The following MDH1B variants were observed in gnomAD, a reference collection of about 807,000 sequenced individuals.
MDH1B encodes malate dehydrogenase 1B.
A neutral mutation model predicts 61.4 loss-of-function variants in MDH1B; 60 were observed. The observed-to-expected ratio is 0.98, with a 90% CI of 0.79 to 1.21. The LOEUF (loss-of-function observed/expected upper bound fraction) is 1.21. Ranked by LOEUF, MDH1B falls within the 50% of genes most tolerant of loss-of-function variation. The probability of loss-of-function intolerance (pLI) is 0.00; values close to 1 mark genes in which losing one functional copy is unlikely to be tolerated. For synonymous variants in MDH1B, 236 were observed against 218.7 expected (o/e 1.08, Z -0.70); for missense variants, 587 against 632.1 (o/e 0.93, Z 0.76).
rs2105942140 is a variant in MDH1B, at chr2:206,755,200, C to A, written c.719G>T (p.Gly240Val). 6.2e-7 allele frequency: 1 copy of A among 1,614,124 alleles called. No individual in the cohort carries two copies. The highest frequency in any genetic ancestry group is 8.5e-7 in the Non-Finnish European group (1 of 1,179,994). ...RSRVPLCRLYGYLIEKNAHES... is the reference protein window; with the variant it reads ...RSRVPLCRLYVYLIEKNAHES... Reference sequence around the variant, plus strand: ...ATGAGCATTTTTCTCTATCAGGTACCCATAGAGCCTGCAGAGAGGCACCCT... The same window carrying A: ...ATGAGCATTTTTCTCTATCAGGTACACATAGAGCCTGCAGAGAGGCACCCT... The change falls in exon 5 of 12, where the codon GGG becomes GTG. Residue 240 changes from glycine to valine, a missense_variant. Transcript: ENST00000374412.
intron 6 of MDH1B, among the ~76,000 whole-genome samples, chr2:206,750,029 C>T (rs1018128085): frequency 6.6e-6 from 1 of 152,118 alleles, no homozygotes; most frequent in Admixed American, 6.5e-5. Context: ...GTCCTGCCCA[C>T]GCAGCAAATG....
chr2:206,762,005 C>A (rs901432088), intron 1 of MDH1B, among the ~76,000 whole-genome samples: 1 of 152,122 alleles, frequency 6.6e-6, no homozygotes, highest in African/African-American at 2.4e-5. Context: ...CAATTACTTG[C>A]CTTTTCTGTA....
At chr2:206,739,527 T>A (rs1687687642) in intron 11 of MDH1B, 66 bp downstream of exon 11, 2 of 1,393,276 alleles carry the variant, frequency 1.4e-6, no homozygotes, top group Admixed American at 3.5e-5. Flanking sequence ...GGAAATTTGA[T>A]CCTCTATTAC....
At chr2:206,744,894 C>G (rs1281025907) in intron 9 of MDH1B, among the ~76,000 whole-genome samples, 2 of 151,782 alleles carry the variant, frequency 1.3e-5, no homozygotes, top group African/African-American at 4.8e-5. Flanking sequence ...CACTGCACTT[C>G]AGTCTGGGCA....
At chr2:206,738,897 T>A (rs1389658419) in intron 11 of MDH1B, among the ~76,000 whole-genome samples, 1 of 152,190 alleles carries the variant, frequency 6.6e-6, no homozygotes, top group Non-Finnish European at 1.5e-5. Context: ...CATTTCAGAA[T>A]GAAAGGTGCA....
intron 5 of MDH1B, among the ~76,000 whole-genome samples, chr2:206,751,393 TGA>T (rs748374929): frequency 1.2e-4 from 18 of 151,422 alleles, no homozygotes; most frequent in Non-Finnish European, 1.9e-4. Context: ...TGCTTACCAT[TGA>T]GAGAGAGAGA....
At chr2:206,764,536 C>G (rs180970894) in intron 1 of MDH1B, among the ~76,000 whole-genome samples, 76 of 152,222 alleles carry the variant, frequency 5.0e-4, no homozygotes, top group Admixed American at 1.6e-3. Context: ...GAGGTAGGTA[C>G]CATGGATTGT....
chr2:206,755,963 G>C (rs4675637), intron 4 of MDH1B, among the ~76,000 whole-genome samples: 1 of 145,240 alleles, frequency 6.9e-6, no homozygotes, highest in Admixed American at 7.0e-5. Flanking sequence ...TTCTTACACA[G>C]AAAAATCCTT....
rs535478965 is a variant in MDH1B, at chr2:206,754,270, C to T, written c.910+739G>A. ...TGAGAGAATGCCTGTCATCTCCTTC[C>T]CTTCTCAATGGACACTGTTGCACCT... On this transcript the variant is annotated intron_variant, in intron 5 of 11. Coordinates refer to ENST00000374412, the MANE Select transcript of MDH1B (RefSeq NM_001039845.3). 8.5e-5 allele frequency among the ~76,000 whole-genome samples: 13 copies of T among 152,258 alleles called. No homozygotes were observed. The South Asian group carries it at 2.7e-3, about 32-fold the overall frequency.
rs1314784845 is a variant in MDH1B at position 206,755,795 on chromosome 2, A to T, written c.414-290T>A. Reference sequence around the variant, plus strand: ...TTCCCCCTATGCAGAAATCAAAATAAAAAAACTATTATATTACTGTAATTA... The same window carrying T: ...TTCCCCCTATGCAGAAATCAAAATATAAAAACTATTATATTACTGTAATTA... On this transcript the variant is annotated intron_variant, in intron 4 of 11. Coordinates refer to ENST00000374412, the MANE Select transcript of MDH1B (RefSeq NM_001039845.3). 3.3e-5 allele frequency among the ~76,000 whole-genome samples: 5 copies of T among 152,292 alleles called. No homozygotes were observed. In the South Asian group the frequency reaches 8.3e-4, roughly 25 times the overall value.
rs779426389 is a variant in MDH1B at position 206,755,050 on chromosome 2, G to C, written c.869C>G (p.Ala290Gly). The C allele has an allele frequency of 3.1e-6, 5 of 1,613,912 alleles. No individual in the cohort carries two copies. Among genetic ancestry groups the C allele is most frequent in the African/African-American group, 1.3e-5 (1 of 74,892 alleles). The part of the protein sequence containing the change: ...IAVALGVEGE[A>G]KAILARKLKT... ...CAGTTTTCTGGCCAGTATGGCTTTC[G>C]CTTCACCTTCCACCCCCAGCGCCAC... The change falls in exon 5 of 12, where the codon GCG (alanine) becomes GGG (glycine). Residue 290 changes from alanine (A) to glycine (G), a missense_variant. By Grantham distance (60) the Ala-to-Gly change is moderately conservative (BLOSUM62 0). Transcript: ENST00000374412.
intron 7 of MDH1B, among the ~76,000 whole-genome samples, chr2:206,748,555 T>C (rs942670298): frequency 6.6e-6 from 1 of 152,218 alleles, no homozygotes; most frequent in Non-Finnish European, 1.5e-5. Context: ...CCTGCCTTTG[T>C]GTCTGTGCTC....
At chr2:206,746,898 G>A (rs534885954) in intron 7 of MDH1B, among the ~76,000 whole-genome samples, 3 of 152,238 alleles carry the variant, frequency 2.0e-5, no homozygotes, top group Non-Finnish European at 4.4e-5. Context: ...ATGTGTTTTG[G>A]TGTGCGTTTG....
Position 206,741,052 on chromosome 2 carries a change from A to G in MDH1B, c.1459+2T>C, listed in dbSNP as rs1687779443. 1 of 1,613,098 alleles carries G rather than the reference A, an allele frequency of 6.2e-7. No individual in the cohort carries two copies. Among genetic ancestry groups the G allele is most frequent in the Non-Finnish European group, 8.5e-7 (1 of 1,179,586 alleles). ...ACATTGTTTATAACCCCACTGACTTACCATCTGACATAGCTAGATTTTTTT... is the reference window on the plus strand; with the variant it reads ...ACATTGTTTATAACCCCACTGACTTGCCATCTGACATAGCTAGATTTTTTT... On this transcript the variant is annotated splice_donor_variant, in intron 10 of 11. Transcript: ENST00000374412. LOFTEE classifies it high-confidence loss of function.
chr2:206,751,868 T>C (rs1688467119), intron 5 of MDH1B, among the ~76,000 whole-genome samples: 1 of 152,250 alleles, frequency 6.6e-6, no homozygotes, highest in African/African-American at 2.4e-5. Flanking sequence ...TATTTACTTA[T>C]TTAACTTATT....
At chr2:206,751,566 T>C (rs1394889806) in intron 5 of MDH1B, among the ~76,000 whole-genome samples, 1 of 152,200 alleles carries the variant, frequency 6.6e-6, no homozygotes, top group East Asian at 1.9e-4. Flanking sequence ...AATGAGGATA[T>C]TGTAAGAGGA....
chr2:206,745,932 C>T (rs949448788), intron 8 of MDH1B, among the ~76,000 whole-genome samples: 4 of 151,986 alleles, frequency 2.6e-5, no homozygotes, highest in African/African-American at 9.7e-5. Flanking sequence ...CAGGGTTTCT[C>T]CATGTTGGTC....
intron 10 of MDH1B, 75 bp from the exon 11 acceptor site, chr2:206,739,736 T>C: frequency 3.0e-6 from 4 of 1,341,654 alleles, no homozygotes; most frequent in Admixed American, 3.7e-5. Context: ...CATTTTCTTC[T>C]ATCTTGTTCC....
intron 1 of MDH1B, among the ~76,000 whole-genome samples, chr2:206,762,508 ATCTGTT>A (rs1453680866): frequency 3.3e-5 from 5 of 152,090 alleles, no homozygotes; most frequent in African/African-American, 1.2e-4. Context: ...AGAGTCTTGT[ATCTGTT>A]TCTAATAGTC....
Sources: gnomAD v4.1 joint callset for allele counts (sites outside exome capture counted in the v4.1 genomes callset) on GRCh38, gnomAD v4.1.1 for gene constraint, MANE v1.5 for transcripts, NCBI Gene and HGNC (gene_info 2026-07-23, HGNC 2026-07-21) for gene names.